RGS17: variants seen among roughly 807,000 people sequenced by gnomAD.
The protein encoded by RGS17 is regulator of G protein signaling 17, also known as regulator of G-protein signaling 17.
RGS17 carries 12 observed loss-of-function variants against 25.5 expected under a neutral mutation model. That is an observed-to-expected ratio of 0.47 (90% confidence interval 0.30 to 0.76). The LOEUF (loss-of-function observed/expected upper bound fraction) is 0.76, where lower values mean the gene tolerates loss of function less well. Ranked by LOEUF, RGS17 falls within the 30% of genes least tolerant of loss-of-function variation. The probability of loss-of-function intolerance (pLI) is 0.07; values close to 1 mark genes in which losing one functional copy is unlikely to be tolerated. For synonymous variants in RGS17, 71 were observed against 76.9 expected (o/e 0.92, Z 0.40); for missense variants, 196 against 242.2 (o/e 0.81, Z 1.27).
intron 1 of RGS17, among the ~76,000 whole-genome samples, chr6:153,047,575 G>A (rs1339405938): frequency 6.6e-6 from 1 of 152,156 alleles, no homozygotes; most frequent in Non-Finnish European, 1.5e-5. Flanking sequence ...GCCTTTGGGA[G>A]GTAATTAGCT....
At chr6:153,027,053 C>G (rs1202835402) in intron 2 of RGS17, among the ~76,000 whole-genome samples, 1 of 152,144 alleles carries the variant, frequency 6.6e-6, no homozygotes, top group Non-Finnish European at 1.5e-5. Flanking sequence ...ATCATTCCTT[C>G]AATTGCTAAA....
rs1016825682 is a variant in RGS17 at position 153,063,865 on chromosome 6, A to G, written c.-25-19822T>C. Among the ~76,000 whole-genome samples the G allele has an allele frequency of 4.6e-5, 7 of 152,328 alleles. No homozygotes were observed. The East Asian group carries it at 1.2e-3, about 25-fold the overall frequency. On this transcript the variant is annotated intron_variant, in intron 1 of 4. Transcript: ENST00000206262. ...AGCAGCAAGAGAAAAGAAACAACAT[A>G]CAATGGACTTCCAATATATCTGGTA...
rs1182038271 is a variant in RGS17 at position 153,004,854 on chromosome 6, T to TTGCATTCA, written c.*6712_*6719dup. On this transcript the variant is annotated 3_prime_UTR_variant, in exon 5 of 5. Transcript: ENST00000206262. ...ATAACCAAGTGTGGTGCCTCTTAAG[T>TTGCATTCA]TGCATTCATGCATTCAAAACTTCTT... The TTGCATTCA allele has an allele frequency of 6.6e-6, 1 of 152,202 alleles. No individual in the cohort carries two copies. 9.4% of individuals were successfully genotyped at this position (152,202 alleles called of 1,614,324 possible). A position where few individuals can be genotyped will look rare whatever the true frequency, so the allele number is the denominator to read the frequency against.
At chr6:153,025,205 T>G (rs1017987434) in intron 3 of RGS17, among the ~76,000 whole-genome samples, 2 of 151,974 alleles carry the variant, frequency 1.3e-5, no homozygotes, top group African/African-American at 4.8e-5. Context: ...TCCCAGCTAT[T>G]TGGGAGTTGA....
chr6:153,022,207 C>CA (rs1238334067), intron 4 of RGS17, among the ~76,000 whole-genome samples: 1 of 151,490 alleles, frequency 6.6e-6, no homozygotes, highest in South Asian at 2.1e-4. Context: ...GACTCCGTCT[C>CA]AAAAAAAATT....
intron 1 of RGS17, among the ~76,000 whole-genome samples, chr6:153,050,758 T>C (rs1776451535): frequency 6.6e-6 from 1 of 152,222 alleles, no homozygotes; most frequent in Non-Finnish European, 1.5e-5. Flanking sequence ...AGACACTAAT[T>C]ACAGTATATT....
At chr6:153,124,792 A>T (rs1008238408) in intron 1 of RGS17, among the ~76,000 whole-genome samples, 1 of 152,194 alleles carries the variant, frequency 6.6e-6, no homozygotes, top group African/African-American at 2.4e-5. Context: ...CTGTGTTTCA[A>T]ATAGCAAACT....
At chr6:153,070,701 G>GTGTGTGTGTGTGTGTA (rs1197990953) in intron 1 of RGS17, among the ~76,000 whole-genome samples, 8 of 104,726 alleles carry the variant, frequency 7.6e-5, no homozygotes, top group African/African-American at 2.4e-4. Flanking sequence ...GTGTGTGTGT[G>GTGTGTGTGTGTGTGTA]TATATACATA....
intron 1 of RGS17, among the ~76,000 whole-genome samples, chr6:153,072,377 A>G (rs1033150741): frequency 2.0e-5 from 3 of 152,186 alleles, no homozygotes; most frequent in Admixed American, 6.6e-5. Flanking sequence ...AATAGGTAAT[A>G]TAATTAAATA....
intron 1 of RGS17, among the ~76,000 whole-genome samples, chr6:153,063,654 AG>A (rs1366807690): frequency 1.3e-5 from 2 of 152,204 alleles, no homozygotes; most frequent in Admixed American, 6.5e-5. Context: ...GAGAAAGAGA[AG>A]GGTAGAAAGT....
intron 1 of RGS17, among the ~76,000 whole-genome samples, chr6:153,111,390 G>A (rs1246970930): frequency 2.0e-5 from 3 of 152,190 alleles, no homozygotes; most frequent in Admixed American, 1.3e-4. Context: ...TGCCTCTCTA[G>A]ATTCCTCCAC....
At chr6:153,070,812 TATAC>T (rs1584143639) in intron 1 of RGS17, among the ~76,000 whole-genome samples, 2 of 150,754 alleles carry the variant, frequency 1.3e-5, no homozygotes, top group East Asian at 3.9e-4. Flanking sequence ...CATATACACA[TATAC>T]ATATACATAT....
At chr6:153,094,325 C>T (rs898639315) in intron 1 of RGS17, among the ~76,000 whole-genome samples, 3 of 152,066 alleles carry the variant, frequency 2.0e-5, no homozygotes, top group Admixed American at 6.5e-5. Context: ...GCAATCCACT[C>T]GCTTCAGCCT....
chr6:153,127,487 C>T (rs1189421778), intron 1 of RGS17, among the ~76,000 whole-genome samples: 1 of 152,072 alleles, frequency 6.6e-6, no homozygotes, highest in Non-Finnish European at 1.5e-5. Flanking sequence ...TGCCTTCATC[C>T]CTCTTGTATG....
At chr6:153,045,106 C>T (rs759657917) in intron 1 of RGS17, among the ~76,000 whole-genome samples, 1 of 152,120 alleles carries the variant, frequency 6.6e-6, no homozygotes, top group Non-Finnish European at 1.5e-5. Context: ...GTTCTGAATA[C>T]AATGATAAAC....
At chr6:153,121,654 C>T (rs9479517) in intron 1 of RGS17, among the ~76,000 whole-genome samples, 73,369 of 152,000 alleles carry the variant, frequency 0.48, 18,452 homozygotes, top group East Asian at 0.85. Flanking sequence ...CATTTATTCA[C>T]TGCTGTTATT....
At chr6:153,106,205 G>A (rs1777381630) in intron 1 of RGS17, among the ~76,000 whole-genome samples, 1 of 152,012 alleles carries the variant, frequency 6.6e-6, no homozygotes, top group African/African-American at 2.4e-5. Flanking sequence ...AGAGAAGACA[G>A]GAATGCACAT....
At chr6:153,033,440 A>G (rs1463160397) in intron 2 of RGS17, among the ~76,000 whole-genome samples, 1 of 152,200 alleles carries the variant, frequency 6.6e-6, no homozygotes, top group Admixed American at 6.5e-5. Flanking sequence ...ACGCCAGGCC[A>G]AGCATGGTGG....
In RGS17 at chr6:153,048,225, T is replaced by C. The variant is rs367726859; in HGVS notation, c.-25-4182A>G. On this transcript the variant is annotated intron_variant, in intron 1 of 4. Transcript: ENST00000206262. ...CATGTTCTTCCCACAGTTTCTCCAATTTTACTGAATGAAAAGCCTCATCCT... is the reference window on the plus strand; with the variant it reads ...CATGTTCTTCCCACAGTTTCTCCAACTTTACTGAATGAAAAGCCTCATCCT... 4.6e-5 allele frequency among the ~76,000 whole-genome samples: 7 copies of C among 152,318 alleles called. No individual in the cohort carries two copies. The East Asian group carries it at 1.3e-3, about 29-fold the overall frequency.
Sources: allele counts gnomAD v4.1 joint callset (sites outside exome capture counted in the v4.1 genomes callset), GRCh38; gene constraint gnomAD v4.1.1; transcripts MANE v1.5; gene names NCBI Gene and HGNC (gene_info 2026-07-23, HGNC 2026-07-21).